The following DAP3 variants were observed in gnomAD, a reference collection of about 807,000 sequenced individuals.
DAP3 encodes the protein small ribosomal subunit protein mS29.
In DAP3, 28 loss-of-function variants were observed where a neutral mutation model predicts 51.9. The ratio of observed to expected loss-of-function variants is 0.54; its 90% CI spans 0.40 to 0.74. The LOEUF is 0.74. DAP3 is among the 30% of genes least tolerant of loss of function. The pLI is 0.00. For missense variants in DAP3, 458 were observed against 483.5 expected, an observed-to-expected ratio of 0.95 and a Z score of 0.49; for synonymous variants, 170 against 170.3, an observed-to-expected ratio of 1.00 and a Z score of 0.01.
Position 155,705,601 on chromosome 1 carries a change from T to TC in DAP3, c.-7-4171dup, listed in dbSNP as rs1209180710. Among the ~76,000 whole-genome samples, 4 of 134,876 alleles carry TC rather than the reference T, an allele frequency of 3.0e-5. No individual in the cohort carries two copies. The Admixed American group carries it at 3.1e-4, about 10-fold the overall frequency. 88.5% of individuals were successfully genotyped at this position (134,876 alleles called of 152,430 possible). The stretch of plus-strand genomic sequence containing the variant: ...CTGGGCAATGGAGCGAGACCCTGTC[T>TC]CAAAAAAAAAAAGAAAGAAAAAAAA... On this transcript the variant is annotated intron_variant, in intron 1 of 12. Transcript: ENST00000368336.
chr1:155,737,492 T>G (rs1050067466), intron 12 of DAP3, among the ~76,000 whole-genome samples: 1 of 152,218 alleles, frequency 6.6e-6, no homozygotes, highest in Admixed American at 6.6e-5. Context: ...GTACAGAAAT[T>G]AACTTTCAGC....
At chr1:155,688,769 C>T, upstream of DAP3, 2 of 1,533,668 alleles carry the variant, frequency 1.3e-6, no homozygotes, top group South Asian at 1.2e-5. Context: ...AGCACCCCCA[C>T]CCTACACTCC....
chr1:155,716,299 C>T (rs542399667), intron 2 of DAP3, among the ~76,000 whole-genome samples: 34 of 152,250 alleles, frequency 2.2e-4, no homozygotes, highest in Non-Finnish European at 4.0e-4. Context: ...CGGTGGCTCA[C>T]GCCTGTAATC....
rs907614452 is a variant in DAP3 at position 155,725,241 on chromosome 1, C to T, written c.271-141C>T. The T allele has an allele frequency of 2.1e-5, 14 of 658,026 alleles. No homozygotes were observed. The African/African-American group carries it at 2.5e-4, about 12-fold the overall frequency. 40.8% of individuals were successfully genotyped at this position (658,026 alleles called of 1,614,324 possible). On this transcript the variant is annotated intron_variant, in intron 4 of 12. Coordinates refer to ENST00000368336, the MANE Select transcript of DAP3 (RefSeq NM_004632.4). ...ATGGATAGATTTTCAAACTCAGTAC[C>T]AACCCAGCTTCTCCTAACTGAGTAA...
chr1:155,699,939 T>C (rs540996514), intron 1 of DAP3, among the ~76,000 whole-genome samples: 83 of 151,994 alleles, frequency 5.5e-4, no homozygotes, highest in South Asian at 3.3e-3. Context: ...TTAAATTGAG[T>C]TGCCTTTCTT....
intron 2 of DAP3, among the ~76,000 whole-genome samples, chr1:155,716,112 C>T (rs1177915325): frequency 1.3e-5 from 2 of 152,182 alleles, no homozygotes; most frequent in African/African-American, 4.8e-5. Flanking sequence ...AATGGCTATG[C>T]TATGTATGCT....
intron 12 of DAP3, 29 bp downstream of exon 12, chr1:155,737,092 G>A: frequency 6.6e-7 from 1 of 1,508,276 alleles, no homozygotes; most frequent in Non-Finnish European, 9.2e-7. Context: ...TCCTATCAGG[G>A]CTTTGTGATC....
chr1:155,717,547 C>T (rs1397966361), intron 3 of DAP3, among the ~76,000 whole-genome samples: 3 of 152,142 alleles, frequency 2.0e-5, no homozygotes, highest in Non-Finnish European at 4.4e-5. Flanking sequence ...TGATCTGTCA[C>T]AAGTACTCAA....
At chr1:155,721,853 A>G (rs990576853) in intron 4 of DAP3, 2 of 533,712 alleles carry the variant, frequency 3.7e-6, no homozygotes, top group Middle Eastern at 4.9e-4. Flanking sequence ...TCAGCATCAA[A>G]TAACTGTTTT....
chr1:155,721,327 CATTTTAAAA>C (rs1337303409), intron 3 of DAP3, among the ~76,000 whole-genome samples, 181 bp from the exon 4 acceptor site: 4 of 146,976 alleles, frequency 2.7e-5, no homozygotes, highest in Non-Finnish European at 4.4e-5. Flanking sequence ...AGTAAAACTC[CATTTTAAAA>C]ATAATATATA....
intron 4 of DAP3, among the ~76,000 whole-genome samples, chr1:155,723,137 G>A (rs1425932776): frequency 6.6e-6 from 1 of 151,878 alleles, no homozygotes; most frequent in African/African-American, 2.4e-5. Flanking sequence ...GCCCAGGGTA[G>A]CTGACTTTAT....
chr1:155,736,540 C>T (rs193062916), intron 11 of DAP3: 1 of 230,128 alleles, frequency 4.3e-6, no homozygotes, highest in African/African-American at 2.3e-5. Flanking sequence ...CCTCAGCCTC[C>T]CGAGTACCTG....
upstream of DAP3, chr1:155,687,974 C>A: frequency 7.4e-7 from 1 of 1,348,396 alleles, no homozygotes; most frequent in Non-Finnish European, 1.0e-6. Context: ...TCCCAGAGGT[C>A]CAGGTCCGGG....
At chr1:155,690,395 A>G (rs1653601017) in intron 1 of DAP3, among the ~76,000 whole-genome samples, 1 of 141,008 alleles carries the variant, frequency 7.1e-6, no homozygotes, top group Non-Finnish European at 1.5e-5. Flanking sequence ...CTACAAAAAG[A>G]CACAAAAATT....
At position 155,709,819 on chromosome 1, in the gene DAP3, C is replaced by T. The variant is rs1397911722; in HGVS notation, c.40C>T (p.His14Tyr). 6.2e-7 allele frequency: 1 copy of T among 1,613,422 alleles called. No individual in the cohort carries two copies. The highest frequency in any genetic ancestry group is 8.5e-7 in the Non-Finnish European group (1 of 1,179,834). Residue 14 changes from histidine (H) to tyrosine (Y), a missense_variant, in exon 2 of 13, where the codon CAT becomes TAT. His to Tyr is a moderately conservative substitution (Grantham distance 83). Transcript: ENST00000368336. ...KGITRLISRI[H>Y]KLDPGRFLHM... ...AATAACAAGGCTTATCTCTAGGATCCATAAGGTGAGTCCTGACTGACCTGA... is the reference window on the plus strand; with the variant it reads ...AATAACAAGGCTTATCTCTAGGATCTATAAGGTGAGTCCTGACTGACCTGA...
intron 1 of DAP3, 74 bp downstream of exon 1, chr1:155,689,248 G>A: frequency 1.5e-6 from 1 of 679,310 alleles, no homozygotes; most frequent in Non-Finnish European, 2.7e-6. Flanking sequence ...CAGGAGGTAG[G>A]GAGTGAGGCC....
At chr1:155,725,276 A>T (rs910509922) in intron 4 of DAP3, 106 bp from the exon 5 acceptor site, 3 of 870,210 alleles carry the variant, frequency 3.4e-6, no homozygotes, top group African/African-American at 3.3e-5. Flanking sequence ...AATTAGAGGC[A>T]TGCAATCTGA....
At chr1:155,731,882 A>G in intron 10 of DAP3, 62 bp from the exon 11 acceptor site, 1 of 1,488,678 alleles carries the variant, frequency 6.7e-7, no homozygotes, top group Non-Finnish European at 9.1e-7. Flanking sequence ...TCTACAGATG[A>G]TTAATGCAGT....
At chr1:155,719,674 A>T (rs1409305384) in intron 3 of DAP3, among the ~76,000 whole-genome samples, 2 of 151,796 alleles carry the variant, frequency 1.3e-5, no homozygotes, top group African/African-American at 4.8e-5. Flanking sequence ...CAGCCTCCCG[A>T]ATAGCTGGGA....
Sources: gnomAD v4.1 joint callset for allele counts (sites outside exome capture counted in the v4.1 genomes callset) on GRCh38, gnomAD v4.1.1 for gene constraint, MANE v1.5 for transcripts, NCBI Gene and HGNC (gene_info 2026-07-23, HGNC 2026-07-21) for gene names.